GSTA4: variants seen among roughly 807,000 people sequenced by gnomAD.
GSTA4 encodes the protein glutathione S-transferase A4.
In GSTA4, 15 loss-of-function variants were observed where a neutral mutation model predicts 24.4. That is an observed-to-expected ratio of 0.61 (90% confidence interval 0.41 to 0.95). The LOEUF is 0.95. Ranked by LOEUF, GSTA4 falls within the 40% of genes least tolerant of loss-of-function variation. GSTA4 has a pLI of 0.00. For missense variants in GSTA4, 244 were observed against 262.1 expected, an observed-to-expected ratio of 0.93 and a Z score of 0.48; for synonymous variants, 92 against 94.2, an observed-to-expected ratio of 0.98 and a Z score of 0.13.
intron 2 of GSTA4, among the ~76,000 whole-genome samples, chr6:52,993,528 AGAGGAAAATGTT>A (rs528185582): frequency 1.6e-4 from 24 of 152,348 alleles, no homozygotes; most frequent in Non-Finnish European, 2.4e-4. Context: ...CTCATCTGTT[AGAGGAAAATGTT>A]GAGGAACTCC....
chr6:52,991,843 C>T (rs992137311), intron 2 of GSTA4, among the ~76,000 whole-genome samples: 4 of 151,584 alleles, frequency 2.6e-5, no homozygotes, highest in Admixed American at 6.6e-5. Flanking sequence ...CTGCAACCCC[C>T]GCCTCCCAGT....
chr6:52,994,123 T>C, intron 2 of GSTA4, 34 bp downstream of exon 2: 1 of 1,381,390 alleles, frequency 7.2e-7, no homozygotes, highest in Non-Finnish European at 1.0e-6. Flanking sequence ...AAAAGCTGTA[T>C]GACAAATCCG....
At chr6:52,994,876 T>C (rs759261389) in intron 1 of GSTA4, among the ~76,000 whole-genome samples, 5 of 152,098 alleles carry the variant, frequency 3.3e-5, no homozygotes, top group Non-Finnish European at 7.4e-5. Context: ...GGCCAGGGCT[T>C]GGCCATCTGA....
At chr6:52,985,242 A>G (rs669674) in intron 4 of GSTA4, among the ~76,000 whole-genome samples, 141,272 of 152,294 alleles carry the variant, frequency 0.93, 65,586 homozygotes, top group East Asian at 1. Flanking sequence ...CCTAGATATA[A>G]TATTCAATAT....
At chr6:52,981,928 G>C (rs1228506806) in intron 6 of GSTA4, among the ~76,000 whole-genome samples, 1 of 152,204 alleles carries the variant, frequency 6.6e-6, no homozygotes, top group Non-Finnish European at 1.5e-5. Flanking sequence ...GGAATTCTCA[G>C]AAGGAGAATG....
At chr6:52,982,495 C>T in intron 6 of GSTA4, 79 bp downstream of exon 6, 2 of 1,088,488 alleles carry the variant, frequency 1.8e-6, no homozygotes, top group African/African-American at 3.2e-5. Flanking sequence ...CACACACTCC[C>T]CAAAGCCAAC....
In GSTA4 at chr6:52,985,550, A is replaced by T; in HGVS notation, c.173T>A (p.Val58Asp). 6.2e-7 allele frequency: 1 copy of T among 1,614,040 alleles called. No homozygotes were observed. Among genetic ancestry groups the T allele is most frequent in the South Asian group, 1.1e-5 (1 of 91,076 alleles). The change falls in exon 4 of 7, where the codon GTT (valine) becomes GAT (aspartate). Residue 58 changes from valine (V) to aspartate (D), a missense_variant. By Grantham distance (152) the Val-to-Asp change is radical. Transcript: ENST00000370963. Reference sequence around the variant, plus strand: ...TACCAACTTCATCCCGTCAATTTCAACCATGGGCACTTGTTGGAACAGCAG... The same window carrying T: ...TACCAACTTCATCCCGTCAATTTCATCCATGGGCACTTGTTGGAACAGCAG... ...NHLLFQQVPM[V>D]EIDGMKLVQT...
intron 2 of GSTA4, among the ~76,000 whole-genome samples, chr6:52,990,097 C>T (rs2127387387): frequency 6.6e-6 from 1 of 152,210 alleles, no homozygotes; most frequent in South Asian, 2.1e-4. Flanking sequence ...CTCCACGTCT[C>T]AAAGGGGATT....
rs1377924802 is a variant in GSTA4, at chr6:52,987,414, T to C, written c.88-6A>G. On this transcript the variant is annotated splice_region_variant and splice_polypyrimidine_tract_variant and intron_variant, in intron 2 of 6. Transcript: ENST00000370963. ...TCCAGAAATTCTTCATCAAACTAAA[T>C]TTTTAAAAAAGAAACGTATATATAC... 1.3e-6 allele frequency: 2 copies of C among 1,525,466 alleles called. No individual in the cohort carries two copies. The highest frequency in any genetic ancestry group is 1.8e-6 in the Non-Finnish European group (2 of 1,102,686). 94.5% of individuals were successfully genotyped at this position (1,525,466 alleles called of 1,614,324 possible). A position where few individuals can be genotyped will look rare whatever the true frequency, so the allele number is the denominator to read the frequency against.
At chr6:52,981,019 G>A (rs941063777) in intron 6 of GSTA4, among the ~76,000 whole-genome samples, 4 of 151,228 alleles carry the variant, frequency 2.6e-5, no homozygotes, top group African/African-American at 4.9e-5. Flanking sequence ...CAGTGCAAAA[G>A]AATACTTCAG....
intron 2 of GSTA4, among the ~76,000 whole-genome samples, chr6:52,991,331 C>G (rs564320664): frequency 3.3e-5 from 5 of 152,236 alleles, no homozygotes; most frequent in South Asian, 4.1e-4. Flanking sequence ...AGTAAAACCA[C>G]AAGTTGAAAA....
At chr6:52,981,154 G>A (rs1015934830) in intron 6 of GSTA4, among the ~76,000 whole-genome samples, 2 of 151,970 alleles carry the variant, frequency 1.3e-5, no homozygotes, top group African/African-American at 4.8e-5. Flanking sequence ...ATGATATGGT[G>A]GTTTATTGCC....
At chr6:52,991,208 G>T (rs1313883224) in intron 2 of GSTA4, among the ~76,000 whole-genome samples, 1 of 152,162 alleles carries the variant, frequency 6.6e-6, no homozygotes, top group Non-Finnish European at 1.5e-5. Context: ...AATAGTTAAT[G>T]AGTGACAAGT....
At chr6:52,980,718 A>C (rs1482846717) in intron 6 of GSTA4, among the ~76,000 whole-genome samples, 3 of 152,202 alleles carry the variant, frequency 2.0e-5, no homozygotes, top group African/African-American at 7.2e-5. Context: ...GAAACCACAC[A>C]GTCTAGTGGA....
intron 2 of GSTA4, among the ~76,000 whole-genome samples, chr6:52,990,131 G>A (rs540832417): frequency 2.0e-5 from 3 of 152,210 alleles, no homozygotes; most frequent in African/African-American, 4.8e-5. Context: ...AGGGGTCTTC[G>A]GGCAAGTAAA....
intron 2 of GSTA4, among the ~76,000 whole-genome samples, chr6:52,988,451 T>C (rs1322543157): frequency 2.0e-5 from 3 of 152,174 alleles, no homozygotes; most frequent in Non-Finnish European, 4.4e-5. Context: ...TGGAGAACAC[T>C]CTGACATCCT....
At chr6:52,984,442 T>C (rs1276613525) in intron 5 of GSTA4, 22 bp downstream of exon 5, 1 of 1,606,694 alleles carries the variant, frequency 6.2e-7, no homozygotes, top group African/African-American at 1.3e-5. Flanking sequence ...GCTCTGTGTA[T>C]GTAGGCATCT....
chr6:52,988,478 A>C (rs1037782829), intron 2 of GSTA4, among the ~76,000 whole-genome samples: 3 of 152,218 alleles, frequency 2.0e-5, no homozygotes. Flanking sequence ...TCTGTTGTTA[A>C]CAAAGTGAGA....
At chr6:52,982,039 G>A (rs1397399886) in intron 6 of GSTA4, among the ~76,000 whole-genome samples, 8 of 152,210 alleles carry the variant, frequency 5.3e-5, no homozygotes, top group South Asian at 2.1e-4. Flanking sequence ...CTATTTCTGA[G>A]AAAGGGAGTC....
Sources: gnomAD v4.1 joint callset for allele counts (sites outside exome capture counted in the v4.1 genomes callset) on GRCh38, gnomAD v4.1.1 for gene constraint, MANE v1.5 for transcripts, NCBI Gene and HGNC (gene_info 2026-07-23, HGNC 2026-07-21) for gene names.